The following ELMO1 variants were observed in gnomAD, a reference collection of about 807,000 sequenced individuals.
The protein encoded by ELMO1 is engulfment and cell motility 1.
A neutral mutation model predicts 98.9 loss-of-function variants in ELMO1; 26 were observed. That is an observed-to-expected ratio of 0.26 (90% confidence interval 0.19 to 0.36). ELMO1 has a LOEUF of 0.36. Among genes scored for constraint, ELMO1 ranks in the 10% least tolerant of loss-of-function variants. ELMO1 has a pLI of 1.00. For synonymous variants in ELMO1, 346 were observed against 346.0 expected, an observed-to-expected ratio of 1.00 and a Z score of 0.00; for missense variants, 627 against 935.2, an observed-to-expected ratio of 0.67 and a Z score of 4.30.
At chr7:37,154,918 G>C (rs1334763177) in intron 13 of ELMO1, among the ~76,000 whole-genome samples, 2 of 152,176 alleles carry the variant, frequency 1.3e-5, no homozygotes, top group African/African-American at 4.8e-5. Flanking sequence ...AGAGAGAAAG[G>C]TCAAGTTACC....
At chr7:36,956,995 G>A (rs149101500) in intron 16 of ELMO1, among the ~76,000 whole-genome samples, 53 of 152,318 alleles carry the variant, frequency 3.5e-4, no homozygotes, top group Non-Finnish European at 1.6e-4. Context: ...TAATGTTGTC[G>A]ATTTCCCACA....
chr7:36,959,222 A>G (rs1365497310), intron 16 of ELMO1, among the ~76,000 whole-genome samples: 1 of 151,656 alleles, frequency 6.6e-6, no homozygotes, highest in Non-Finnish European at 1.5e-5. Context: ...TCTACGCCAC[A>G]TCTGCCCTTG....
intron 1 of ELMO1, among the ~76,000 whole-genome samples, chr7:37,383,891 C>T (rs1802678736): frequency 6.6e-6 from 1 of 152,212 alleles, no homozygotes; most frequent in Non-Finnish European, 1.5e-5. Flanking sequence ...TCTCGGCTCA[C>T]TGCAAGCTCC....
At chr7:37,366,984 A>G (rs1008184105) in intron 1 of ELMO1, among the ~76,000 whole-genome samples, 8 of 152,214 alleles carry the variant, frequency 5.3e-5, no homozygotes, top group African/African-American at 1.9e-4. Context: ...CATCACATCA[A>G]TAAAAGCAAA....
intron 13 of ELMO1, among the ~76,000 whole-genome samples, chr7:37,139,344 C>G (rs571092084): frequency 1.2e-4 from 18 of 152,138 alleles, no homozygotes; most frequent in South Asian, 4.1e-4. Context: ...CCAATAAGCT[C>G]CTAAAACTGG....
At chr7:37,095,365 C>T (rs954974220) in intron 15 of ELMO1, among the ~76,000 whole-genome samples, 7 of 152,186 alleles carry the variant, frequency 4.6e-5, no homozygotes, top group Non-Finnish European at 4.4e-5. Flanking sequence ...AGCAATACTG[C>T]ACACTGAAAT....
intron 17 of ELMO1, among the ~76,000 whole-genome samples, chr7:36,890,292 T>A (rs940541190): frequency 2.0e-5 from 3 of 152,198 alleles, no homozygotes; most frequent in Admixed American, 2.0e-4. Context: ...AATTTCAAGT[T>A]CAAGCCCAGT....
intron 2 of ELMO1, among the ~76,000 whole-genome samples, chr7:37,327,341 A>T (rs1031491808): frequency 6.6e-6 from 1 of 152,280 alleles, no homozygotes; most frequent in African/African-American, 2.4e-5. Context: ...TAGCTTAAAA[A>T]TAAAAATTCA....
intron 1 of ELMO1, among the ~76,000 whole-genome samples, chr7:37,410,738 A>G (rs2131496051): frequency 6.6e-6 from 1 of 152,360 alleles, no homozygotes; most frequent in Non-Finnish European, 1.5e-5. Flanking sequence ...GCCTACCCCT[A>G]AAGGAAGGCA....
intron 2 of ELMO1, among the ~76,000 whole-genome samples, chr7:37,316,558 G>A (rs1212850657): frequency 1.3e-5 from 2 of 152,122 alleles, no homozygotes; most frequent in Non-Finnish European, 2.9e-5. Flanking sequence ...GTCAACTGGC[G>A]GGTGACTACA....
rs577201344 is a variant in ELMO1, at chr7:37,130,814, G to A, written c.1191+2316C>T. On this transcript the variant is annotated intron_variant, in intron 14 of 21. Transcript: ENST00000310758. ...TTAATCTCAACTATAAATCTGACTGGCAAAGAGAGTGAATAGTGAGGCTAT... is the reference window on the plus strand; with the variant it reads ...TTAATCTCAACTATAAATCTGACTGACAAAGAGAGTGAATAGTGAGGCTAT... 5.0e-4 allele frequency among the ~76,000 whole-genome samples: 76 copies of A among 151,990 alleles called. 1 individual carries two copies. The South Asian group carries it at 7.7e-3, about 15-fold the overall frequency.
intron 1 of ELMO1, among the ~76,000 whole-genome samples, chr7:37,384,183 T>C (rs915597422): frequency 2.6e-5 from 4 of 152,184 alleles, no homozygotes; most frequent in African/African-American, 9.7e-5. Flanking sequence ...AGAGAGTCTA[T>C]TGAATTCTAT....
At chr7:37,031,282 C>T (rs900454044) in intron 15 of ELMO1, among the ~76,000 whole-genome samples, 1 of 152,110 alleles carries the variant, frequency 6.6e-6, no homozygotes, top group African/African-American at 2.4e-5. Flanking sequence ...ACAACACGGA[C>T]CCTGACTCGC....
chr7:37,302,392 G>C (rs557126682), intron 4 of ELMO1, among the ~76,000 whole-genome samples: 83 of 152,164 alleles, frequency 5.5e-4, no homozygotes, highest in African/African-American at 1.9e-3. Context: ...AGGTCATAAC[G>C]AGCCATGCAG....
intron 1 of ELMO1, among the ~76,000 whole-genome samples, chr7:37,381,180 C>T (rs1176154174): frequency 6.6e-6 from 1 of 152,224 alleles, no homozygotes; most frequent in Non-Finnish European, 1.5e-5. Context: ...TTCTCAAATA[C>T]AGAATCTGCC....
chr7:37,347,236 ACT>A (rs1801050276), intron 1 of ELMO1, among the ~76,000 whole-genome samples: 1 of 152,152 alleles, frequency 6.6e-6, no homozygotes, highest in Non-Finnish European at 1.5e-5. Context: ...ATATATAATC[ACT>A]GTTACTTCTG....
intron 8 of ELMO1, among the ~76,000 whole-genome samples, chr7:37,232,304 A>G (rs2130620747): frequency 6.6e-6 from 1 of 152,346 alleles, no homozygotes; most frequent in East Asian, 1.9e-4. Flanking sequence ...TATTCCTAAT[A>G]CAGTAGTAGG....
chr7:37,141,126 C>G (rs1787610198), intron 13 of ELMO1, among the ~76,000 whole-genome samples: 1 of 152,152 alleles, frequency 6.6e-6, no homozygotes, highest in Non-Finnish European at 1.5e-5. Context: ...AATATGGAAC[C>G]AGCCCAAATG....
chr7:37,072,910 T>A (rs903788545), intron 15 of ELMO1, among the ~76,000 whole-genome samples: 7 of 152,216 alleles, frequency 4.6e-5, no homozygotes, highest in Non-Finnish European at 7.3e-5. Context: ...AACTCTCAAG[T>A]TGACAAAGAG....
Sources: gnomAD v4.1 joint callset for allele counts (sites outside exome capture counted in the v4.1 genomes callset) on GRCh38, gnomAD v4.1.1 for gene constraint, MANE v1.5 for transcripts, NCBI Gene and HGNC (gene_info 2026-07-23, HGNC 2026-07-21) for gene names.